DOCK6: variants seen among roughly 807,000 people sequenced by gnomAD.
The protein encoded by DOCK6 is dedicator of cytokinesis protein 6.
In DOCK6, 167 loss-of-function variants were observed where a neutral mutation model predicts 230.3. The observed-to-expected ratio is 0.73, with a 90% CI of 0.64 to 0.82. DOCK6 has a LOEUF of 0.82. DOCK6 is among the 40% of genes least tolerant of loss of function. The pLI is 0.00. For synonymous variants in DOCK6, 1,148 were observed against 1,185.0 expected (o/e 0.97, Z 0.64); for missense variants, 2,598 against 2,825.8 (o/e 0.92, Z 1.83).
intron 28 of DOCK6, among the ~76,000 whole-genome samples, chr19:11,219,057 T>G (rs2079539943): frequency 6.7e-6 from 1 of 150,018 alleles, no homozygotes; most frequent in Non-Finnish European, 1.5e-5. Context: ...TTTTGTATTT[T>G]TAGTAGAGAT....
At position 11,200,258 on chromosome 19, in the gene DOCK6, C is replaced by T. The variant is rs1322166987; in HGVS notation, c.6101+50G>A. The T allele has an allele frequency of 2.6e-6, 4 of 1,529,234 alleles. No homozygotes were observed. The highest frequency in any genetic ancestry group is 3.5e-6 in the Non-Finnish European group (4 of 1,135,046). The allele number at this position is 1,529,234 out of a possible 1,614,324, so 94.7% of individuals were successfully genotyped here. On this transcript the variant is annotated intron_variant, in intron 47 of 47. Transcript: ENST00000294618. The surrounding 1 kb of genome is among the most constrained non-coding windows in gnomAD (Gnocchi z 4.3). Reference sequence around the variant, plus strand: ...CCCATCCTGTACCTGTCCTGGTCTGCCTCTGCATCCCCTCTCTAGTCTCTA... The same window carrying T: ...CCCATCCTGTACCTGTCCTGGTCTGTCTCTGCATCCCCTCTCTAGTCTCTA...
rs201255040 is a variant in DOCK6, at chr19:11,214,558, C to T, written c.4198G>A (p.Val1400Met). ...LVVLDTLEII[V>M]QTVMLSEARE... ...GATGCTGGATCAAGCCCTACCTGCA[C>T]GATGATCTCCAGTGTGTCCAGAACC... The change falls in exon 33 of 48, where the codon GTG (valine) becomes ATG (methionine). Residue 1400 changes from valine (V) to methionine (M), a missense_variant. Transcript: ENST00000294618. The T allele has an allele frequency of 6.1e-5, 99 of 1,613,760 alleles. No homozygotes were observed. The highest frequency in any genetic ancestry group is 1.7e-4 in the Admixed American group (10 of 59,992).
chr19:11,251,373 G>A (rs951175440), intron 5 of DOCK6: 3 of 355,286 alleles, frequency 8.4e-6, no homozygotes, highest in Non-Finnish European at 1.6e-5. Context: ...ACCCACCCTA[G>A]GGACTGGCTC....
At chr19:11,233,851 T>TC (rs989208274) in intron 21 of DOCK6, among the ~76,000 whole-genome samples, 1 of 151,672 alleles carries the variant, frequency 6.6e-6, no homozygotes, top group African/African-American at 2.4e-5. Flanking sequence ...TTTTTTTTTT[T>TC]CTTAGAGAGT....
In DOCK6 at chr19:11,251,096, G is replaced by A; in HGVS notation, c.508-10C>T. 6.2e-7 allele frequency: 1 copy of A among 1,604,870 alleles called. No homozygotes were observed. Among genetic ancestry groups the A allele is most frequent in the Non-Finnish European group, 8.5e-7 (1 of 1,175,632 alleles). ...CACGCCGGGAGTCATTCTGCCAGTG[G>A]AGAATGTGCAAGCACTGAGTGCCAG... On this transcript the variant is annotated splice_polypyrimidine_tract_variant and intron_variant, in intron 5 of 47. Coordinates refer to ENST00000294618, the MANE Select transcript of DOCK6 (RefSeq NM_020812.4).
chr19:11,231,421 C>T (rs921210134), intron 22 of DOCK6, among the ~76,000 whole-genome samples: 2 of 152,058 alleles, frequency 1.3e-5, no homozygotes, highest in Non-Finnish European at 2.9e-5. Flanking sequence ...TTCCTTTCCA[C>T]GCTGTGTGAT....
intron 32 of DOCK6, 116 bp from the exon 33 acceptor site, chr19:11,214,765 TTTTTTG>T: frequency 2.1e-6 from 2 of 930,408 alleles, no homozygotes; most frequent in Non-Finnish European, 3.3e-6. Context: ...AGCTGTTCTG[TTTTTTG>T]TTTTTGTTTT....
intron 39 of DOCK6, chr19:11,208,132 C>CA: frequency 6.6e-6 from 1 of 151,370 alleles, no homozygotes; most frequent in Non-Finnish European, 1.5e-5. Context: ...AACAAACAAA[C>CA]AAAAAAACAA....
At position 11,202,096 on chromosome 19, in the gene DOCK6, C is replaced by T. The variant is rs765316358; in HGVS notation, c.5481G>A (p.Pro1827=). ...CCTTGAGCTCGTAGGTATCAAAGTA[C>T]GGTTCCACATACGTGATCTGGATGT... ...KAYIQITYVE[P]YFDTYELKDR... The change falls in exon 44 of 48, where the codon CCG becomes CCA. Residue 1827 remains proline (P), a synonymous_variant. Coordinates refer to ENST00000294618, the MANE Select transcript of DOCK6 (RefSeq NM_020812.4). The surrounding 1 kb of genome is among the most constrained non-coding windows in gnomAD (Gnocchi z 5.3). 7.4e-6 allele frequency: 12 copies of T among 1,613,874 alleles called. No homozygotes were observed. The highest frequency in any genetic ancestry group is 5.3e-5 in the African/African-American group (4 of 74,918).
Position 11,242,063 on chromosome 19 carries a change from G to C in DOCK6, c.1625C>G (p.Ala542Gly). Reference sequence around the variant, plus strand: ...GCCGTACCTGTAGCTGGTATGGGGGGCATAGACTTCGCGGGCGGGGAACTC... The same window carrying C: ...GCCGTACCTGTAGCTGGTATGGGGGCCATAGACTTCGCGGGCGGGGAACTC... Reference protein sequence around the residue: ...ILEFPAREVYAPHTSYRNLLY... With the variant: ...ILEFPAREVYGPHTSYRNLLY... The change falls in exon 14 of 48, where the codon GCC (alanine) becomes GGC (glycine). Residue 542 changes from alanine to glycine, a missense_variant. By Grantham distance (60) the Ala-to-Gly change is moderately conservative. Transcript: ENST00000294618. 1 of 1,558,062 alleles carries C rather than the reference G, an allele frequency of 6.4e-7. No individual in the cohort carries two copies. The highest frequency in any genetic ancestry group is 8.6e-7 in the Non-Finnish European group (1 of 1,160,312).
chr19:11,202,113 T>C lies in DOCK6; in HGVS notation c.5464A>G (p.Ile1822Val), dbSNP rs755004191. 6 of 1,613,958 alleles carry C rather than the reference T, an allele frequency of 3.7e-6. No individual in the cohort carries two copies. The highest frequency in any genetic ancestry group is 2.2e-5 in the East Asian group (1 of 44,868). ...TCAAAGTACGGTTCCACATACGTGA[T>C]CTGGATGTAGGCCTGGGCGCAGGGT... ...KLDSQKAYIQ[I>V]TYVEPYFDTY... The change falls in exon 44 of 48, where the codon ATC becomes GTC. Residue 1822 changes from isoleucine to valine, a missense_variant. Coordinates refer to ENST00000294618, the MANE Select transcript of DOCK6 (RefSeq NM_020812.4). This position sits in a 1 kb window ranked among gnomAD's most constrained non-coding sequence, Gnocchi z 5.3.
intron 21 of DOCK6, among the ~76,000 whole-genome samples, chr19:11,234,825 A>G (rs553554203): frequency 6.6e-6 from 1 of 152,328 alleles, no homozygotes; most frequent in South Asian, 2.1e-4. Flanking sequence ...ATGGGGCAAA[A>G]GTGGGCAAAA....
chr19:11,216,381 C>T (rs2079487401), intron 30 of DOCK6, among the ~76,000 whole-genome samples: 1 of 152,058 alleles, frequency 6.6e-6, no homozygotes, highest in East Asian at 1.9e-4. Context: ...AGCCACCGCA[C>T]CAGGCCCTGT....
In DOCK6 at chr19:11,202,026, G is replaced by A. The variant is rs1302151815; in HGVS notation, c.5551C>T (p.Leu1851=). Residue 1851 remains leucine (L), a synonymous_variant, in exon 44 of 48, where the codon CTG becomes TTG. Transcript: ENST00000294618. This position sits in a 1 kb window ranked among gnomAD's most constrained non-coding sequence, Gnocchi z 5.3. The part of the protein sequence containing the change: ...FDRNYGLRTF[L]FCTPFTPDGR... ...TCCGGCGTGAACGGCGTGCAGAACAGGAATGTGCGAAGCCCATAGTTGCGG... is the reference window on the plus strand; with the variant it reads ...TCCGGCGTGAACGGCGTGCAGAACAAGAATGTGCGAAGCCCATAGTTGCGG... The A allele has an allele frequency of 6.8e-6, 11 of 1,614,078 alleles. No homozygotes were observed. The African/African-American group carries it at 9.3e-5, about 14-fold the overall frequency.
At chr19:11,209,762 CCTCACTGTCCACCCT>C (rs2079336328) in intron 37 of DOCK6, among the ~76,000 whole-genome samples, 1 of 100,102 alleles carries the variant, frequency 1.0e-5, no homozygotes. Flanking sequence ...CTGTCCACCC[CCTCACTGTCCACCCT>C]CTCACCTGTC....
At position 11,213,299 on chromosome 19, in the gene DOCK6, C is replaced by T. The variant is rs376704333; in HGVS notation, c.4368G>A (p.Thr1456=). ...KFPELLFEED[T]ELCADLCLRL... ...TCAGGCACAGGTCGGCACACAGCTCCGTGTCCTCCTCGAACAGCAGCTCCG... is the reference window on the plus strand; with the variant it reads ...TCAGGCACAGGTCGGCACACAGCTCTGTGTCCTCCTCGAACAGCAGCTCCG... The change falls in exon 35 of 48, where the codon ACG becomes ACA. Residue 1456 remains threonine (T), a synonymous_variant. Transcript: ENST00000294618. The T allele has an allele frequency of 6.2e-5, 100 of 1,612,394 alleles. 1 individual carries two copies. The highest frequency in any genetic ancestry group is 4.6e-4 in the South Asian group (42 of 91,014).
At chr19:11,214,244 C>T (rs763940299) in intron 34 of DOCK6, 31 bp downstream of exon 34, 328 of 1,571,526 alleles carry the variant, frequency 2.1e-4, no homozygotes, top group Non-Finnish European at 2.6e-4. Flanking sequence ...TACTGTTTTT[C>T]TAAGAATCAT....
chr19:11,248,409 GA>G (rs886086116), intron 6 of DOCK6, among the ~76,000 whole-genome samples: 1 of 151,864 alleles, frequency 6.6e-6, no homozygotes, highest in Admixed American at 6.6e-5. Flanking sequence ...TCCATATATA[GA>G]AGCTTATTTT....
intron 28 of DOCK6, among the ~76,000 whole-genome samples, chr19:11,219,422 T>C (rs1432120527): frequency 6.7e-6 from 1 of 150,372 alleles, no homozygotes; most frequent in Non-Finnish European, 1.5e-5. Flanking sequence ...ACTCCTGACC[T>C]TGTGATCCGC....
Sources: gnomAD v4.1 joint callset for allele counts (sites outside exome capture counted in the v4.1 genomes callset) on GRCh38, gnomAD v4.1.1 for gene constraint, Gnocchi (gnomAD v3.1) non-coding constraint, MANE v1.5 for transcripts, NCBI Gene and HGNC (gene_info 2026-07-23, HGNC 2026-07-21) for gene names.